LZTFL1: variants seen among roughly 807,000 people sequenced by gnomAD.
LZTFL1 encodes the protein leucine zipper transcription factor-like protein 1.
Under a neutral mutation model 45.9 loss-of-function variants are expected in LZTFL1, and 25 were observed. That is an observed-to-expected ratio of 0.54 (90% CI 0.40 to 0.76). The LOEUF is 0.76. LZTFL1 is among the 30% of genes least tolerant of loss of function. LZTFL1 has a pLI of 0.00. For synonymous variants in LZTFL1, 93 were observed against 117.4 expected (o/e 0.79, Z 1.35); for missense variants, 277 against 331.1 (o/e 0.84, Z 1.27).
In LZTFL1 at chr3:45,878,254, C is replaced by G. The variant is rs1460468628; in HGVS notation, c.-214-19238G>C. Reference sequence around the variant, plus strand: ...ATTATTAACTATGGCCAGCACCAGCCCGAGGCCTGAAGCTTTCCTCTGGGT... The same window carrying G: ...ATTATTAACTATGGCCAGCACCAGCGCGAGGCCTGAAGCTTTCCTCTGGGT... On this transcript the variant is annotated intron_variant, in intron 2 of 4. Transcript: ENST00000472635. Among the ~76,000 whole-genome samples, 7 of 152,268 alleles carry G rather than the reference C, an allele frequency of 4.6e-5. No homozygotes were observed. The South Asian group carries it at 1.5e-3, about 32-fold the overall frequency.
intron 2 of LZTFL1, among the ~76,000 whole-genome samples, chr3:45,894,382 C>T (rs947785854): frequency 1.1e-4 from 16 of 152,174 alleles, no homozygotes; most frequent in Non-Finnish European, 1.0e-4. Context: ...TTCTTCTTGC[C>T]ACCTGGTTAC....
At chr3:45,863,262 C>T (rs1301968148) in intron 2 of LZTFL1, among the ~76,000 whole-genome samples, 1 of 152,106 alleles carries the variant, frequency 6.6e-6, no homozygotes, top group Non-Finnish European at 1.5e-5. Context: ...TGAAGAATGC[C>T]AGCTAAATGT....
intron 2 of LZTFL1, among the ~76,000 whole-genome samples, chr3:45,882,241 GA>G (rs34650310): frequency 6.6e-6 from 1 of 152,104 alleles, no homozygotes; most frequent in African/African-American, 2.4e-5. Flanking sequence ...GATTAGTGGG[GA>G]AAAAAGGGTC....
intron 2 of LZTFL1, among the ~76,000 whole-genome samples, chr3:45,908,240 C>T (rs979656670): frequency 2.0e-4 from 31 of 152,108 alleles, no homozygotes; most frequent in African/African-American, 4.1e-4. Context: ...CATCCTGTGC[C>T]GTGGGAGGCT....
chr3:45,891,586 A>C (rs1288880182), intron 2 of LZTFL1, among the ~76,000 whole-genome samples: 3 of 152,202 alleles, frequency 2.0e-5, no homozygotes, highest in Admixed American at 6.5e-5. Flanking sequence ...GTAAAACCAC[A>C]ATGCAGTCAG....
intron 2 of LZTFL1, among the ~76,000 whole-genome samples, chr3:45,877,819 C>T (rs1209922631): frequency 2.0e-5 from 3 of 150,578 alleles, no homozygotes; most frequent in African/African-American, 7.4e-5. Flanking sequence ...GATCTTGGCG[C>T]ACTGCAACCT....
At chr3:45,853,206 T>C (rs1701333144) in intron 4 of LZTFL1, among the ~76,000 whole-genome samples, 1 of 152,226 alleles carries the variant, frequency 6.6e-6, no homozygotes, top group African/African-American at 2.4e-5. Flanking sequence ...CAAAATTTCT[T>C]TGATTTGAAT....
At chr3:45,899,584 G>T (rs892913103) in intron 2 of LZTFL1, among the ~76,000 whole-genome samples, 3 of 152,220 alleles carry the variant, frequency 2.0e-5, no homozygotes, top group African/African-American at 7.2e-5. Context: ...GTAGAGATGA[G>T]ATTTGGCAAG....
Position 45,887,835 on chromosome 3 carries a change from T to C in LZTFL1, c.-215+25285A>G, listed in dbSNP as rs114082169. Among the ~76,000 whole-genome samples, 371 of 152,346 alleles carry C rather than the reference T, an allele frequency of 2.4e-3. 4 individuals carry two copies. Among genetic ancestry groups the C allele is most frequent in the African/African-American group, 8.3e-3 (347 of 41,586 alleles). On this transcript the variant is annotated intron_variant, in intron 2 of 4. Coordinates refer to the LZTFL1 transcript ENST00000472635. The stretch of plus-strand genomic sequence containing the variant: ...AGGCATGGTGAGTGGATGGATCTGA[T>C]AGATGGCTCAGAGACCCTGCCTCGT...
chr3:45,829,928 A>G (rs1376330041), intron 7 of LZTFL1, among the ~76,000 whole-genome samples: 2 of 152,234 alleles, frequency 1.3e-5, no homozygotes, highest in African/African-American at 4.8e-5. Flanking sequence ...TATAAGAAGT[A>G]TCCTCCTATT....
At chr3:45,853,990 A>C (rs1437343823) in intron 4 of LZTFL1, among the ~76,000 whole-genome samples, 2 of 152,170 alleles carry the variant, frequency 1.3e-5, no homozygotes, top group African/African-American at 2.4e-5. Context: ...AAAAGCCATC[A>C]AATGAGCTGA....
chr3:45,893,511 G>A (rs968004064), intron 2 of LZTFL1, among the ~76,000 whole-genome samples: 2 of 152,198 alleles, frequency 1.3e-5, no homozygotes, highest in Non-Finnish European at 2.9e-5. Context: ...CTTTCCGTCA[G>A]TATAGATTAG....
chr3:45,915,490 C>A (rs1411035037), exon 1 of LZTFL1: 1 of 456,242 alleles, frequency 2.2e-6, no homozygotes. Flanking sequence ...TCAGAGTCGG[C>A]CTTGGGAGCA....
intron 1 of LZTFL1, chr3:45,841,754 A>G: frequency 1.7e-6 from 1 of 592,900 alleles, no homozygotes; most frequent in Non-Finnish European, 3.0e-6. Context: ...AAACGAAGCG[A>G]TGCGGCGGAG....
At chr3:45,850,564 G>A (rs1701292623) in intron 4 of LZTFL1, among the ~76,000 whole-genome samples, 1 of 152,128 alleles carries the variant, frequency 6.6e-6, no homozygotes, top group African/African-American at 2.4e-5. Flanking sequence ...TCATTTCAGT[G>A]TCCCCAAATT....
Position 45,832,193 on chromosome 3 carries a change from C to G in LZTFL1, c.456+857G>C, listed in dbSNP as rs189013209. ...CCTAGATCACGCCACCGCACTCCAG[C>G]CTGGGCGACAGAGCAAGACTCTGTC... On this transcript the variant is annotated intron_variant, in intron 5 of 9. Coordinates refer to ENST00000296135, the MANE Select transcript of LZTFL1 (RefSeq NM_020347.4). Among the ~76,000 whole-genome samples the G allele has an allele frequency of 2.0e-5, 3 of 152,192 alleles. No individual in the cohort carries two copies. In the East Asian group the frequency reaches 5.8e-4, roughly 30 times the overall value.
chr3:45,835,734 C>G lies in LZTFL1; in HGVS notation c.179G>C (p.Gly60Ala). 1 of 1,614,128 alleles carries G rather than the reference C, an allele frequency of 6.2e-7. No homozygotes were observed. Among genetic ancestry groups the G allele is most frequent in the Non-Finnish European group, 8.5e-7 (1 of 1,179,990 alleles). The change falls in exon 3 of 10, where the codon GGA becomes GCA. Residue 60 changes from glycine (G) to alanine (A), a missense_variant. Transcript: ENST00000296135. ...TIDEVSEVLN[G>A]LQAVVHSEVE... is the part of the protein sequence containing the mutation. Reference sequence around the variant, plus strand: ...CTCACTATGAACCACAGCTTGTAATCCATTGAGGACTTCAGAGACTTCATC... The same window carrying G: ...CTCACTATGAACCACAGCTTGTAATGCATTGAGGACTTCAGAGACTTCATC...
rs1701371147 is a variant in LZTFL1, at chr3:45,855,196, T to A, written c.-137-122A>T. On this transcript the variant is annotated intron_variant, in intron 3 of 4. Coordinates refer to the LZTFL1 transcript ENST00000472635. Reference sequence around the variant, plus strand: ...CTGGCAAACCGAATCCAGCAGCACATCAAAAAGCTTATCCACCACAATCAA... The same window carrying A: ...CTGGCAAACCGAATCCAGCAGCACAACAAAAAGCTTATCCACCACAATCAA... 6.8e-6 allele frequency: 4 copies of A among 584,208 alleles called. No individual in the cohort carries two copies. The South Asian group carries it at 8.0e-5, about 12-fold the overall frequency. 36.2% of individuals were successfully genotyped at this position (584,208 alleles called of 1,614,324 possible).
At chr3:45,835,097 G>C (rs1226690810) in intron 3 of LZTFL1, 1 of 152,342 alleles carries the variant, frequency 6.6e-6, no homozygotes, top group Non-Finnish European at 1.5e-5. Context: ...TTGAATTTGA[G>C]CTCTTAGATG....
Sources: gnomAD v4.1 joint callset for allele counts (sites outside exome capture counted in the v4.1 genomes callset) on GRCh38, gnomAD v4.1.1 for gene constraint, MANE v1.5 for transcripts, NCBI Gene and HGNC (gene_info 2026-07-23, HGNC 2026-07-21) for gene names.